MBOAT2: variants seen among roughly 807,000 people sequenced by gnomAD.
MBOAT2 encodes membrane bound glycerophospholipid O-acyltransferase 2, also known as membrane-bound glycerophospholipid O-acyltransferase 2.
In MBOAT2, 28 loss-of-function variants were observed where a neutral mutation model predicts 63.4. The ratio of observed to expected loss-of-function variants is 0.44; its 90% CI spans 0.33 to 0.61. The LOEUF (loss-of-function observed/expected upper bound fraction) is 0.61. Ranked by LOEUF, MBOAT2 falls within the 20% of genes least tolerant of loss-of-function variation. MBOAT2 has a pLI of 0.03. For synonymous variants in MBOAT2, 211 were observed against 215.6 expected (o/e 0.98, Z 0.19); for missense variants, 470 against 605.8 (o/e 0.78, Z 2.35).
intron 3 of MBOAT2, among the ~76,000 whole-genome samples, chr2:8,925,826 A>T (rs955246884): frequency 2.0e-5 from 3 of 152,242 alleles, no homozygotes; most frequent in Non-Finnish European, 2.9e-5. Context: ...TCTGAAATCA[A>T]GAATCCTCTT....
chr2:8,938,905 C>T (rs1039219605), intron 3 of MBOAT2, among the ~76,000 whole-genome samples: 6 of 152,212 alleles, frequency 3.9e-5, no homozygotes, highest in African/African-American at 1.2e-4. Flanking sequence ...CCATGCCCCC[C>T]AGGAATCTCT....
At chr2:8,866,110 C>G (rs558477458) in intron 9 of MBOAT2, among the ~76,000 whole-genome samples, 1 of 152,266 alleles carries the variant, frequency 6.6e-6, no homozygotes, top group South Asian at 2.1e-4. Context: ...CTTGGTATCT[C>G]AGTGGCACTT....
chr2:8,970,424 A>G (rs946659264), intron 1 of MBOAT2, among the ~76,000 whole-genome samples: 1 of 152,244 alleles, frequency 6.6e-6, no homozygotes. Flanking sequence ...AGCAGGAAAG[A>G]TCTAAAATTG....
intron 11 of MBOAT2, chr2:8,860,984 G>T: frequency 3.3e-6 from 1 of 303,974 alleles, no homozygotes; most frequent in Non-Finnish European, 6.0e-6. Flanking sequence ...GAGGGGAGAT[G>T]AGGAAGTAAC....
At chr2:8,949,144 T>A (rs182316947) in intron 2 of MBOAT2, among the ~76,000 whole-genome samples, 41 of 152,368 alleles carry the variant, frequency 2.7e-4, no homozygotes, top group African/African-American at 9.6e-4. Flanking sequence ...TTTTGAAAAG[T>A]GTCTTTTCAT....
At chr2:8,895,006 G>C (rs1664330161) in intron 4 of MBOAT2, among the ~76,000 whole-genome samples, 1 of 152,208 alleles carries the variant, frequency 6.6e-6, no homozygotes, top group Admixed American at 6.5e-5. Context: ...TCGTGGTCTT[G>C]CTGACTTCAG....
intron 3 of MBOAT2, among the ~76,000 whole-genome samples, chr2:8,928,627 GAAT>G (rs1200156789): frequency 4.6e-5 from 7 of 151,492 alleles, no homozygotes; most frequent in South Asian, 2.1e-4. Context: ...GTTAATTCAA[GAAT>G]AATTATAATA....
At position 8,856,340 on chromosome 2, in the gene MBOAT2, C is replaced by CAT. The variant is rs1661084815; in HGVS notation, c.*2338_*2339insAT. The stretch of plus-strand genomic sequence containing the variant: ...ACACACACACACACACACACACACA[C>CAT]GAACAAAACCCAACAAGTTTGTATT... On this transcript the variant is annotated 3_prime_UTR_variant, in exon 13 of 13. Transcript: ENST00000305997. The surrounding 1 kb of genome is among the most constrained non-coding windows in gnomAD (Gnocchi z 4.2). 2 of 151,352 alleles carry CAT rather than the reference C, an allele frequency of 1.3e-5. No individual in the cohort carries two copies. The highest frequency in any genetic ancestry group is 4.9e-5 in the African/African-American group (2 of 41,030). 9.4% of individuals were successfully genotyped at this position (151,352 alleles called of 1,614,324 possible).
Position 8,861,659 on chromosome 2 carries a change from T to G in MBOAT2, c.1186-895A>C, listed in dbSNP as rs545052760. On this transcript the variant is annotated intron_variant, in intron 11 of 12. Transcript: ENST00000305997. Reference sequence around the variant, plus strand: ...TACTTCACTCACTATTGAAATAACTTTCATCTCTCAAAGTCCAGATCCAAA... The same window carrying G: ...TACTTCACTCACTATTGAAATAACTGTCATCTCTCAAAGTCCAGATCCAAA... Among the ~76,000 whole-genome samples, 301 of 152,280 alleles carry G rather than the reference T, an allele frequency of 2.0e-3. 1 individual carries two copies. The highest frequency in any genetic ancestry group is 1.0e-2 in the South Asian group (48 of 4,822).
chr2:8,995,870 C>A (rs946887728), intron 1 of MBOAT2, among the ~76,000 whole-genome samples: 5 of 152,182 alleles, frequency 3.3e-5, no homozygotes, highest in African/African-American at 1.2e-4. Context: ...GGATTACAGG[C>A]GTGAGCCATC....
intron 2 of MBOAT2, among the ~76,000 whole-genome samples, chr2:8,954,483 G>T (rs911053969): frequency 2.1e-5 from 3 of 144,956 alleles, no homozygotes; most frequent in African/African-American, 7.7e-5. Context: ...AGCGCCAAGG[G>T]AGAATCCAGA....
At chr2:8,891,330 G>A (rs1412272705) in intron 4 of MBOAT2, among the ~76,000 whole-genome samples, 1 of 152,226 alleles carries the variant, frequency 6.6e-6, no homozygotes, top group Non-Finnish European at 1.5e-5. Context: ...AGATTAAAGA[G>A]AGCTCAGAAA....
At position 8,855,470 on chromosome 2, in the gene MBOAT2, G is replaced by A. The variant is rs1278997217; in HGVS notation, c.*3209C>T. On this transcript the variant is annotated 3_prime_UTR_variant, in exon 13 of 13. Transcript: ENST00000305997. ...TTACTGCACATTTTTCTCAAAAGTG[G>A]TATGTTTGGAAATCCTGTGTGTGTC... 6.6e-6 allele frequency: 1 copy of A among 152,178 alleles called. No homozygotes were observed. Among genetic ancestry groups the A allele is most frequent in the Non-Finnish European group, 1.5e-5 (1 of 68,036 alleles). 9.4% of individuals were successfully genotyped at this position (152,178 alleles called of 1,614,324 possible).
Position 8,971,477 on chromosome 2 carries a change from C to T in MBOAT2, c.76-12835G>A, listed in dbSNP as rs183342923. On this transcript the variant is annotated intron_variant, in intron 1 of 12. Coordinates refer to ENST00000305997, the MANE Select transcript of MBOAT2 (RefSeq NM_138799.4). ...GGCACAAAACAGGGATGCCCTGTCTCACCACTCCTATTCAACACAGTGTTG... is the reference window on the plus strand; with the variant it reads ...GGCACAAAACAGGGATGCCCTGTCTTACCACTCCTATTCAACACAGTGTTG... Among the ~76,000 whole-genome samples the T allele has an allele frequency of 8.8e-4, 134 of 152,320 alleles. 1 individual carries two copies. The East Asian group carries it at 9.1e-3, about 10-fold the overall frequency.
At chr2:8,867,471 G>A (rs1197297049) in intron 9 of MBOAT2, among the ~76,000 whole-genome samples, 2 of 152,084 alleles carry the variant, frequency 1.3e-5, no homozygotes, top group Non-Finnish European at 2.9e-5. Context: ...TCTCAAGCTC[G>A]GGTGCCTCTG....
intron 2 of MBOAT2, among the ~76,000 whole-genome samples, chr2:8,944,054 AG>A (rs1448476068): frequency 6.6e-6 from 1 of 152,090 alleles, no homozygotes; most frequent in Non-Finnish European, 1.5e-5. Context: ...TGGTAAAGAC[AG>A]GGTTTCACTA....
At position 8,884,367 on chromosome 2, in the gene MBOAT2, C is replaced by G. The variant is rs187812859; in HGVS notation, c.452-1802G>C. Among the ~76,000 whole-genome samples, 833 of 151,040 alleles carry G rather than the reference C, an allele frequency of 5.5e-3. 7 individuals carry two copies. Among genetic ancestry groups the G allele is most frequent in the African/African-American group, 0.019 (784 of 41,168 alleles). The stretch of plus-strand genomic sequence containing the variant: ...AAAAACACTTAAAAAAAAAGATGAT[C>G]GAAGATTAGAGAACGGTAAAACATT... On this transcript the variant is annotated intron_variant, in intron 5 of 12. Coordinates refer to ENST00000305997, the MANE Select transcript of MBOAT2 (RefSeq NM_138799.4).
At chr2:8,916,248 G>A (rs958917524) in intron 3 of MBOAT2, among the ~76,000 whole-genome samples, 1 of 152,170 alleles carries the variant, frequency 6.6e-6, no homozygotes, top group African/African-American at 2.4e-5. Flanking sequence ...GCTTCGAGAG[G>A]TAACTTTCTC....
chr2:8,994,579 A>G (rs1672141064), intron 1 of MBOAT2, among the ~76,000 whole-genome samples: 1 of 152,188 alleles, frequency 6.6e-6, no homozygotes, highest in African/African-American at 2.4e-5. Context: ...TCTCCAGAAC[A>G]CTGGCCTCAT....
Sources: gnomAD v4.1 joint callset for allele counts (sites outside exome capture counted in the v4.1 genomes callset) on GRCh38, gnomAD v4.1.1 for gene constraint, Gnocchi (gnomAD v3.1) non-coding constraint, MANE v1.5 for transcripts, NCBI Gene and HGNC (gene_info 2026-07-23, HGNC 2026-07-21) for gene names.